Variants in TRPC5 observed in about 807,000 individuals in gnomAD.
The protein encoded by TRPC5 is short transient receptor potential channel 5.
A neutral mutation model predicts 56.5 loss-of-function variants in TRPC5; 9 were observed. The ratio of observed to expected loss-of-function variants is 0.16; its 90% CI spans 0.10 to 0.28. The LOEUF (loss-of-function observed/expected upper bound fraction) is 0.28, where lower values mean the gene tolerates loss of function less well. Ranked by LOEUF, TRPC5 falls within the 10% of genes least tolerant of loss-of-function variation. TRPC5 has a pLI of 1.00. For synonymous variants in TRPC5, 282 were observed against 278.5 expected (o/e 1.01, Z -0.13); for missense variants, 469 against 748.9 (o/e 0.63, Z 4.36).
chrX:111,805,522 A>C (rs1160891970), intron 7 of TRPC5, among the ~76,000 whole-genome samples: 1 of 111,553 alleles, frequency 9.0e-6, no homozygotes, highest in Non-Finnish European at 1.9e-5. Flanking sequence ...GGGCATGAAG[A>C]GTACTGACAT....
intron 7 of TRPC5, among the ~76,000 whole-genome samples, chrX:111,799,220 C>T (rs964132663): frequency 2.7e-5 from 3 of 111,040 alleles, no homozygotes; most frequent in African/African-American, 9.8e-5. Context: ...TTTAACCCCT[C>T]AGCCCTGAAG....
At chrX:112,045,946 C>A (rs12012592) in intron 1 of TRPC5, among the ~76,000 whole-genome samples, 13,535 of 110,784 alleles carry the variant, frequency 0.12, 694 homozygotes, top group African/African-American at 0.16. Flanking sequence ...ATTCCCTCCC[C>A]ACACTCCAGG....
At chrX:112,062,343 G>A (rs1455146238) in intron 1 of TRPC5, among the ~76,000 whole-genome samples, 2 of 111,300 alleles carry the variant, frequency 1.8e-5, no homozygotes, top group Non-Finnish European at 3.8e-5. Context: ...AGTGTACTTG[G>A]GTACAAAAAA....
intron 1 of TRPC5, among the ~76,000 whole-genome samples, chrX:111,995,432 T>C (rs963152593): frequency 8.9e-6 from 1 of 111,835 alleles, no homozygotes; most frequent in Admixed American, 9.5e-5. Flanking sequence ...TTCTCTTTTT[T>C]TGTGTGTCTC....
At chrX:112,000,104 G>A (rs1290332192) in intron 1 of TRPC5, among the ~76,000 whole-genome samples, 1 of 112,041 alleles carries the variant, frequency 8.9e-6, no homozygotes, top group Non-Finnish European at 1.9e-5. Flanking sequence ...TAAAGAAATG[G>A]CAGCTATTAT....
At chrX:112,067,038 C>A (rs1360362153) in intron 1 of TRPC5, among the ~76,000 whole-genome samples, 1 of 112,388 alleles carries the variant, frequency 8.9e-6, no homozygotes, top group Non-Finnish European at 1.9e-5. Flanking sequence ...TTCAGCTTTG[C>A]CCAGGGTCAG....
At chrX:111,781,869 C>T in intron 8 of TRPC5, 66 bp downstream of exon 8, 1 of 1,028,327 alleles carries the variant, frequency 9.7e-7, no homozygotes, top group Non-Finnish European at 1.3e-6. Context: ...GCACTCCAGC[C>T]TGGGTGACAG....
rs1386779121 is a variant in TRPC5, at chrX:111,934,244, G to GTTTT, written c.378+17795_378+17798dup. 7.8e-5 allele frequency among the ~76,000 whole-genome samples: 8 copies of GTTTT among 102,605 alleles called. No individual in the cohort carries two copies. In the East Asian group the frequency reaches 2.5e-3, roughly 31 times the overall value. The allele number at this position is 102,605 out of a possible 115,157, so 89.1% of individuals were successfully genotyped here. ...CTCCTTCGTTTTTTTGTTTTGTTTT[G>GTTTT]TTTTGTTCTGTTTTTTTTTTTGAGT... is the stretch of plus-strand genomic sequence containing the variant. On this transcript the variant is annotated intron_variant, in intron 2 of 10. Coordinates refer to ENST00000262839, the MANE Select transcript of TRPC5 (RefSeq NM_012471.3).
At chrX:111,934,483 T>C (rs767757747) in intron 2 of TRPC5, among the ~76,000 whole-genome samples, 1 of 111,376 alleles carries the variant, frequency 9.0e-6, no homozygotes, top group Non-Finnish European at 1.9e-5. Flanking sequence ...GACATTCCAA[T>C]ATACCGTTTT....
chrX:111,916,109 A>G (rs1697102905), intron 2 of TRPC5, among the ~76,000 whole-genome samples: 1 of 111,630 alleles, frequency 9.0e-6, no homozygotes, highest in Non-Finnish European at 1.9e-5. Context: ...AGCCTGGGCA[A>G]CAGAGTGATA....
intron 1 of TRPC5, among the ~76,000 whole-genome samples, chrX:112,070,020 C>T (rs962643822): frequency 1.8e-5 from 2 of 111,634 alleles, no homozygotes; most frequent in East Asian, 2.8e-4. Flanking sequence ...GTCTCTGTTA[C>T]GTTGCAATGA....
At chrX:111,948,613 T>C (rs1394832094) in intron 2 of TRPC5, among the ~76,000 whole-genome samples, 1 of 108,926 alleles carries the variant, frequency 9.2e-6, no homozygotes, top group Non-Finnish European at 1.9e-5. Context: ...GCACCTCTAG[T>C]CCCAGCTGCT....
chrX:111,786,507 T>C (rs1437623493), intron 7 of TRPC5, among the ~76,000 whole-genome samples: 1 of 111,179 alleles, frequency 9.0e-6, no homozygotes, highest in African/African-American at 3.3e-5. Flanking sequence ...ACTGCATCAA[T>C]TAACGGGCAA....
In TRPC5 at chrX:111,883,085, CAA is replaced by C. The variant is rs59699981; in HGVS notation, c.901-28981_901-28980del. Among the ~76,000 whole-genome samples the C allele has an allele frequency of 3.4e-3, 152 of 45,145 alleles. 2 individuals carry two copies. The highest frequency in any genetic ancestry group is 7.9e-3 in the African/African-American group (119 of 15,034). The allele number at this position is 45,145 out of a possible 115,157, so 39.2% of individuals were successfully genotyped here. A position where few individuals can be genotyped will look rare whatever the true frequency, so the allele number is the denominator to read the frequency against. On this transcript the variant is annotated intron_variant, in intron 3 of 10. Transcript: ENST00000262839. ...TGGGAAACAGAGCAAGACTCTGTCTCAAAAAAAAAAAAAAAAAAAGACCTAGT... is the reference window on the plus strand; with the variant it reads ...TGGGAAACAGAGCAAGACTCTGTCTCAAAAAAAAAAAAAAAAAGACCTAGT...
intron 1 of TRPC5, among the ~76,000 whole-genome samples, chrX:112,005,330 A>T (rs1391823464): frequency 9.2e-6 from 1 of 108,948 alleles, no homozygotes; most frequent in African/African-American, 3.4e-5. Flanking sequence ...GTGGGGAGGG[A>T]GAAGATCAGG....
intron 3 of TRPC5, among the ~76,000 whole-genome samples, chrX:111,898,254 TATATA>T: frequency 1.6e-5 from 1 of 61,690 alleles, no homozygotes; most frequent in African/African-American, 2.9e-4. Flanking sequence ...GGGGTTCTTA[TATATA>T]TATATATATA....
At chrX:111,779,395 A>G (rs1945903027) in intron 9 of TRPC5, among the ~76,000 whole-genome samples, 1 of 112,152 alleles carries the variant, frequency 8.9e-6, no homozygotes, top group South Asian at 3.7e-4. Context: ...ACACGTTAAC[A>G]CTCATAGTAA....
chrX:111,894,130 A>C (rs1317166606), intron 3 of TRPC5, among the ~76,000 whole-genome samples: 1 of 111,553 alleles, frequency 9.0e-6, no homozygotes, highest in African/African-American at 3.3e-5. Flanking sequence ...CACCCTCACC[A>C]AAGGTGCATT....
At chrX:112,030,377 C>A (rs1929556993) in intron 1 of TRPC5, among the ~76,000 whole-genome samples, 1 of 112,163 alleles carries the variant, frequency 8.9e-6, no homozygotes, top group South Asian at 3.7e-4. Flanking sequence ...AGTGAGAGAT[C>A]TGGAATTTGA....
Sources: gnomAD v4.1 joint callset for allele counts (sites outside exome capture counted in the v4.1 genomes callset) on GRCh38, gnomAD v4.1.1 for gene constraint, MANE v1.5 for transcripts, NCBI Gene and HGNC (gene_info 2026-07-23, HGNC 2026-07-21) for gene names.